ZNF93: variants seen among roughly 807,000 people sequenced by gnomAD.
ZNF93 encodes zinc finger protein 93.
Under a neutral mutation model 45.0 loss-of-function variants are expected in ZNF93, and 29 were observed. That is an observed-to-expected ratio of 0.64 (90% CI 0.48 to 0.88). The LOEUF (loss-of-function observed/expected upper bound fraction) is 0.88. ZNF93 is among the 40% of genes least tolerant of loss of function. The probability of loss-of-function intolerance (pLI) is 0.00; values close to 1 mark genes in which losing one functional copy is unlikely to be tolerated. For missense variants in ZNF93, 578 were observed against 724.0 expected, an observed-to-expected ratio of 0.80 and a Z score of 2.31; for synonymous variants, 223 against 244.6, an observed-to-expected ratio of 0.91 and a Z score of 0.82.
chr19:19,923,702 A>G (rs1019888859), intron 3 of ZNF93, among the ~76,000 whole-genome samples: 6 of 152,058 alleles, frequency 3.9e-5, no homozygotes, highest in African/African-American at 1.4e-4. Flanking sequence ...CCATGGGTGT[A>G]GGACCCTCTG....
At chr19:19,912,749 G>A (rs2063312921) in intron 1 of ZNF93, among the ~76,000 whole-genome samples, 1 of 150,802 alleles carries the variant, frequency 6.6e-6, no homozygotes, top group Admixed American at 6.6e-5. Flanking sequence ...AATAAAAATG[G>A]GCCCTTTATC....
chr19:19,903,325 C>G (rs919524707), intron 1 of ZNF93, among the ~76,000 whole-genome samples: 1 of 152,174 alleles, frequency 6.6e-6, no homozygotes, highest in Non-Finnish European at 1.5e-5. Context: ...ACCCTGAAAT[C>G]AGCATGTTCT....
intron 3 of ZNF93, among the ~76,000 whole-genome samples, chr19:19,928,414 G>A (rs2063362581): frequency 6.6e-6 from 1 of 152,260 alleles, no homozygotes; most frequent in East Asian, 1.9e-4. Flanking sequence ...TGAAGAGTGT[G>A]TTTCATATTC....
Position 19,916,606 on chromosome 19 carries a change from A to G in ZNF93, c.177A>G (p.Gly59=), listed in dbSNP as rs1039770102. 1.2e-6 allele frequency: 2 copies of G among 1,611,648 alleles called. No homozygotes were observed. The highest frequency in any genetic ancestry group is 2.2e-5 in the East Asian group (1 of 44,816). Residue 59 remains glycine, a synonymous_variant, in exon 3 of 4, where the codon GGA becomes GGG. Transcript: ENST00000343769. ...KPDLIAHLEQ[G]KKPLTMKRHE... is the part of the protein sequence containing the mutation. ...ACCTGATCGCCCATCTGGAGCAAGG[A>G]AAAAAACCTTTGACTATGAAGAGAC...
chr19:19,933,707 A>C lies in ZNF93; in HGVS notation c.752A>C (p.His251Pro). Residue 251 changes from histidine (H) to proline (P), a missense_variant, in exon 4 of 4, where the codon CAT (histidine) becomes CCT (proline). By Grantham distance (77) the His-to-Pro change is moderately conservative. Transcript: ENST00000343769. ...SSTLSKHEII[H>P]TGKKPYKCEE... is the part of the protein sequence containing the mutation. ...ACCCTTAGTAAACATGAGATCATTCATACTGGAAAGAAACCCTACAAGTGT... is the reference window on the plus strand; with the variant it reads ...ACCCTTAGTAAACATGAGATCATTCCTACTGGAAAGAAACCCTACAAGTGT... The C allele has an allele frequency of 1.2e-6, 2 of 1,613,510 alleles. No individual in the cohort carries two copies. The highest frequency in any genetic ancestry group is 1.7e-6 in the Non-Finnish European group (2 of 1,179,686).
At chr19:19,914,074 G>T (rs755281385) in intron 1 of ZNF93, among the ~76,000 whole-genome samples, 2 of 152,130 alleles carry the variant, frequency 1.3e-5, no homozygotes, top group Non-Finnish European at 2.9e-5. Context: ...ATGCCATGCA[G>T]AATTATCAGC....
intron 3 of ZNF93, chr19:19,927,378 G>A: frequency 5.1e-6 from 2 of 393,884 alleles, no homozygotes; most frequent in Non-Finnish European, 8.9e-6. Context: ...GTTCATTTCA[G>A]GCATGTTAAG....
chr19:19,921,852 G>A (rs2063343309), intron 3 of ZNF93, among the ~76,000 whole-genome samples: 1 of 151,982 alleles, frequency 6.6e-6, no homozygotes, highest in Non-Finnish European at 1.5e-5. Context: ...CATGTGAGAT[G>A]GGTTTCCTGA....
intron 1 of ZNF93, among the ~76,000 whole-genome samples, chr19:19,903,272 A>C (rs2063281590): frequency 6.6e-6 from 1 of 152,122 alleles, no homozygotes; most frequent in Non-Finnish European, 1.5e-5. Context: ...GGGAATGGCA[A>C]ATGGAGGGTG....
chr19:19,927,190 G>A (rs370397203), intron 3 of ZNF93: 2 of 398,514 alleles, frequency 5.0e-6, no homozygotes, highest in African/African-American at 4.1e-5. Flanking sequence ...GAGCCCAAAA[G>A]TTTGAGAACA....
At position 19,916,576 on chromosome 19, in the gene ZNF93, G is replaced by A. The variant is rs778235340; in HGVS notation, c.147G>A (p.Lys49=). ...ACAAAACAGGTATTGTTGTCTCTAA[G>A]CCAGACCTGATCGCCCATCTGGAGC... The part of the protein sequence containing the change: ...NLVFLGIVVS[K]PDLIAHLEQG... Residue 49 remains lysine, a synonymous_variant, in exon 3 of 4, where the codon AAG becomes AAA. Transcript: ENST00000343769. The A allele has an allele frequency of 1.9e-5, 30 of 1,612,146 alleles. No individual in the cohort carries two copies. The South Asian group carries it at 3.3e-4, about 18-fold the overall frequency.
At chr19:19,905,140 T>A (rs564959839) in intron 1 of ZNF93, among the ~76,000 whole-genome samples, 27 of 151,846 alleles carry the variant, frequency 1.8e-4, no homozygotes, top group African/African-American at 6.3e-4. Flanking sequence ...CAGCCCCACT[T>A]GGGCCACTAT....
chr19:19,911,890 C>T (rs900825529), intron 1 of ZNF93, among the ~76,000 whole-genome samples: 29 of 151,954 alleles, frequency 1.9e-4, no homozygotes, highest in African/African-American at 2.7e-4. Context: ...GCTGGGATTA[C>T]AGTTGCCTGC....
In ZNF93 at chr19:19,915,265, G is replaced by A; in HGVS notation, c.4-15G>A. The A allele has an allele frequency of 1.2e-6, 2 of 1,613,508 alleles. No individual in the cohort carries two copies. On this transcript the variant is annotated splice_polypyrimidine_tract_variant and intron_variant, in intron 1 of 3. Coordinates refer to ENST00000343769, the MANE Select transcript of ZNF93 (RefSeq NM_031218.4). ...CCATGGCCACTTGGTGAAAATGTGT[G>A]TGTGTGTTTTTCAGGGACCATTGCA... is the stretch of plus-strand genomic sequence containing the variant.
At chr19:19,919,602 A>G (rs2063336848) in intron 3 of ZNF93, among the ~76,000 whole-genome samples, 1 of 152,150 alleles carries the variant, frequency 6.6e-6, no homozygotes, top group Non-Finnish European at 1.5e-5. Flanking sequence ...ATGTTCTTCC[A>G]TGTGTTTGTA....
chr19:19,906,261 T>TCTCA (rs2063292629), intron 1 of ZNF93, among the ~76,000 whole-genome samples: 1 of 151,938 alleles, frequency 6.6e-6, no homozygotes. Context: ...CATTGTGGTT[T>TCTCA]TTCTTTAATT....
intron 1 of ZNF93, chr19:19,909,349 A>G (rs756149048): frequency 6.6e-6 from 1 of 152,176 alleles, no homozygotes; most frequent in African/African-American, 2.4e-5. Context: ...GCCAAAAAGA[A>G]CACTATTCAG....
chr19:19,925,172 C>A (rs2063352906), intron 3 of ZNF93, among the ~76,000 whole-genome samples: 1 of 152,156 alleles, frequency 6.6e-6, no homozygotes, highest in South Asian at 2.1e-4. Context: ...GAACAGGGGT[C>A]CTGTAGTTTC....
intron 3 of ZNF93, among the ~76,000 whole-genome samples, chr19:19,927,772 A>C (rs1463885932): frequency 6.6e-6 from 1 of 152,208 alleles, no homozygotes; most frequent in Non-Finnish European, 1.5e-5. Flanking sequence ...TACAATAAAC[A>C]TGGATTTGCT....
Sources: allele counts gnomAD v4.1 joint callset (sites outside exome capture counted in the v4.1 genomes callset), GRCh38; gene constraint gnomAD v4.1.1; transcripts MANE v1.5; gene names NCBI Gene and HGNC (gene_info 2026-07-23, HGNC 2026-07-21).